The following WDFY4 variants were observed in gnomAD, a reference collection of about 807,000 sequenced individuals.
WDFY4 encodes the protein WDFY family member 4, also known as WD repeat- and FYVE domain-containing protein 4.
WDFY4 carries 169 observed loss-of-function variants against 351.9 expected under a neutral mutation model. That is an observed-to-expected ratio of 0.48 (90% CI 0.42 to 0.55). The LOEUF (loss-of-function observed/expected upper bound fraction) is 0.55, where lower values mean the gene tolerates loss of function less well. Ranked by LOEUF, WDFY4 falls within the 20% of genes least tolerant of loss-of-function variation. The probability of loss-of-function intolerance (pLI) is 0.00; values close to 1 mark genes in which losing one functional copy is unlikely to be tolerated. For synonymous variants in WDFY4, 1,622 were observed against 1,574.6 expected (o/e 1.03, Z -0.71); for missense variants, 3,803 against 3,935.6 (o/e 0.97, Z 0.90).
intron 35 of WDFY4, chr10:48,823,489 A>G: frequency 8.6e-7 from 1 of 1,164,128 alleles, no homozygotes; most frequent in South Asian, 1.8e-5. Flanking sequence ...AGACCTCAGG[A>G]CTGGGCCTCT....
intron 13 of WDFY4, among the ~76,000 whole-genome samples, chr10:48,771,237 C>T (rs544139599): frequency 1.6e-4 from 24 of 152,344 alleles, no homozygotes; most frequent in African/African-American, 5.1e-4. Context: ...TGCTACAAAA[C>T]TGTGTTAGCT....
At chr10:48,829,522 T>G (rs568764348) in intron 37 of WDFY4, among the ~76,000 whole-genome samples, 1 of 152,300 alleles carries the variant, frequency 6.6e-6, no homozygotes, top group South Asian at 2.1e-4. Context: ...GTTTGCAGAC[T>G]GTTACACTTA....
intron 1 of WDFY4, among the ~76,000 whole-genome samples, chr10:48,698,121 C>T (rs1439944707): frequency 6.6e-6 from 1 of 152,166 alleles, no homozygotes; most frequent in East Asian, 1.9e-4. Flanking sequence ...TTGGTGTCTC[C>T]CAGCAGCACA....
chr10:48,841,284 C>CA (rs2068596423), intron 39 of WDFY4, among the ~76,000 whole-genome samples: 2 of 152,172 alleles, frequency 1.3e-5, no homozygotes, highest in South Asian at 4.1e-4. Flanking sequence ...ATATTTGTTA[C>CA]TGCACTTTGT....
chr10:48,786,151 C>T (rs528210763), intron 19 of WDFY4, among the ~76,000 whole-genome samples: 2 of 152,146 alleles, frequency 1.3e-5, no homozygotes, highest in South Asian at 4.2e-4. Context: ...TATTGTTAGC[C>T]TACACAAATA....
chr10:48,911,666 T>C (rs1315557379), intron 47 of WDFY4, among the ~76,000 whole-genome samples: 1 of 152,198 alleles, frequency 6.6e-6, no homozygotes, highest in African/African-American at 2.4e-5. Flanking sequence ...TTTAACTATG[T>C]ATAAAAATAT....
At chr10:48,730,062 C>T (rs1347256521) in intron 8 of WDFY4, among the ~76,000 whole-genome samples, 1 of 152,210 alleles carries the variant, frequency 6.6e-6, no homozygotes, top group Non-Finnish European at 1.5e-5. Flanking sequence ...TGTCACATGT[C>T]CTTGAACCCT....
intron 57 of WDFY4, among the ~76,000 whole-genome samples, chr10:48,974,527 A>AAAAAAAAAAAAACAACAAAACAAC: frequency 4.3e-5 from 1 of 23,148 alleles, no homozygotes; most frequent in African/African-American, 7.3e-5. Context: ...AAAAAAAAAA[A>AAAAAAAAAAAAACAACAAAACAAC]AACAACTCAT....
At chr10:48,693,049 G>T (rs1490987747) in intron 1 of WDFY4, among the ~76,000 whole-genome samples, 1 of 152,162 alleles carries the variant, frequency 6.6e-6, no homozygotes, top group East Asian at 1.9e-4. Flanking sequence ...AGAGGAGGTG[G>T]CCTGACTGAA....
chr10:48,766,793 T>C (rs2065686240), intron 13 of WDFY4, among the ~76,000 whole-genome samples: 1 of 152,204 alleles, frequency 6.6e-6, no homozygotes, highest in South Asian at 2.1e-4. Flanking sequence ...TGTTTCTCTG[T>C]ATCTCAATTT....
chr10:48,952,010 CTG>C (rs1220735539), intron 51 of WDFY4, among the ~76,000 whole-genome samples: 1 of 152,240 alleles, frequency 6.6e-6, no homozygotes, highest in Non-Finnish European at 1.5e-5. Flanking sequence ...TCCGAACCAC[CTG>C]AGGCGAGATG....
chr10:48,738,017 T>C (rs971513054), intron 11 of WDFY4, among the ~76,000 whole-genome samples: 1 of 152,220 alleles, frequency 6.6e-6, no homozygotes, highest in African/African-American at 2.4e-5. Context: ...TTGGTACATT[T>C]TCCTTCATAT....
chr10:48,764,236 G>C (rs976746603), intron 13 of WDFY4, among the ~76,000 whole-genome samples: 1 of 152,150 alleles, frequency 6.6e-6, no homozygotes, highest in African/African-American at 2.4e-5. Context: ...TGATGGCCAC[G>C]TTACATTTGT....
chr10:48,718,517 C>T (rs373586458), intron 2 of WDFY4, among the ~76,000 whole-genome samples: 42 of 152,270 alleles, frequency 2.8e-4, no homozygotes, highest in East Asian at 1.7e-3. Context: ...CGAAAGTGGA[C>T]GGTGGGTGGT....
At chr10:48,910,190 G>GTGTTTTT in intron 47 of WDFY4, 3 of 1,499,354 alleles carry the variant, frequency 2.0e-6, no homozygotes, top group Non-Finnish European at 2.8e-6. Flanking sequence ...CTTCAGAGTC[G>GTGTTTTT]TTTATTCTGT....
chr10:48,687,411 A>G (rs1042010151), intron 1 of WDFY4, among the ~76,000 whole-genome samples: 9 of 152,248 alleles, frequency 5.9e-5, no homozygotes, highest in African/African-American at 2.2e-4. Flanking sequence ...GTTATCTAAG[A>G]AATTCTCCAC....
At chr10:48,787,854 CTTCT>C (rs1453382769) in intron 20 of WDFY4, among the ~76,000 whole-genome samples, 1,492 of 128,030 alleles carry the variant, frequency 0.012, 35 homozygotes, top group East Asian at 0.027. Flanking sequence ...TCTTCTTCTT[CTTCT>C]TTCTTCTTCT....
chr10:48,751,040 G>A (rs921071977), intron 12 of WDFY4, among the ~76,000 whole-genome samples: 5 of 152,216 alleles, frequency 3.3e-5, no homozygotes, highest in African/African-American at 1.2e-4. Context: ...CTGATGTGCA[G>A]TTGTCCTGCA....
At chr10:48,920,943 C>A (rs1839017429) in intron 47 of WDFY4, among the ~76,000 whole-genome samples, 1 of 151,936 alleles carries the variant, frequency 6.6e-6, no homozygotes, top group East Asian at 1.9e-4. Flanking sequence ...ACATAAATAA[C>A]CAAAATATGC....
Sources: gnomAD v4.1 joint callset for allele counts (sites outside exome capture counted in the v4.1 genomes callset) on GRCh38, gnomAD v4.1.1 for gene constraint, MANE v1.5 for transcripts, NCBI Gene and HGNC (gene_info 2026-07-23, HGNC 2026-07-21) for gene names.